The following TJP2 variants were observed in gnomAD, a reference collection of about 807,000 sequenced individuals.
TJP2 encodes the protein tight junction protein 2.
In TJP2, 91 loss-of-function variants were observed where a neutral mutation model predicts 133.1. That is an observed-to-expected ratio of 0.68 (90% CI 0.58 to 0.81). The LOEUF (loss-of-function observed/expected upper bound fraction) is 0.81, where lower values mean the gene tolerates loss of function less well. Among genes scored for constraint, TJP2 ranks in the 40% least tolerant of loss-of-function variants. TJP2 has a pLI of 0.00. For missense variants in TJP2, 1,541 were observed against 1,565.6 expected (o/e 0.98, Z 0.26); for synonymous variants, 592 against 583.4 (o/e 1.01, Z -0.21).
chr9:69,221,862 A>AC (rs1156525755), intron 5 of TJP2, among the ~76,000 whole-genome samples: 1 of 93,996 alleles, frequency 1.1e-5, no homozygotes, highest in Admixed American at 1.1e-4. Context: ...AGGAATAGCT[A>AC]CTTTTTTTTT....
intron 1 of TJP2, among the ~76,000 whole-genome samples, chr9:69,192,635 A>G (rs1437135006): frequency 2.6e-5 from 4 of 152,102 alleles, no homozygotes; most frequent in Non-Finnish European, 5.9e-5. Flanking sequence ...TTCCTTCAAT[A>G]TGTTCTTATT....
At chr9:69,248,755 G>T (rs1831112632) in intron 19 of TJP2, 2 of 995,576 alleles carry the variant, frequency 2.0e-6, no homozygotes, top group African/African-American at 3.5e-5. Flanking sequence ...CATCCACTGT[G>T]ATTAGATAGC....
At chr9:69,133,546 CTT>C (rs10577570) in intron 1 of TJP2, among the ~76,000 whole-genome samples, 6 of 104,784 alleles carry the variant, frequency 5.7e-5, no homozygotes, top group African/African-American at 1.6e-4. Context: ...ATTTTTCTGG[CTT>C]TTTTTTTTTT....
upstream of TJP2, among the ~76,000 whole-genome samples, chr9:69,173,803 G>C (rs376910837): frequency 1.3e-5 from 2 of 152,154 alleles, no homozygotes; most frequent in Non-Finnish European, 2.9e-5. Flanking sequence ...ATGCCCCCGC[G>C]ACCTCACCGG....
chr9:69,133,100 T>C (rs1336263396), intron 1 of TJP2, among the ~76,000 whole-genome samples: 2 of 152,174 alleles, frequency 1.3e-5, no homozygotes, highest in Non-Finnish European at 2.9e-5. Flanking sequence ...CAGCTGGGAC[T>C]ACAGGCATGT....
intron 17 of TJP2, among the ~76,000 whole-genome samples, chr9:69,244,748 T>C (rs1184220942): frequency 1.6e-4 from 25 of 152,224 alleles, no homozygotes; most frequent in Non-Finnish European, 3.7e-4. Context: ...GTGCATGAGT[T>C]GGATGTTACT....
At position 69,184,979 on chromosome 9, in the gene TJP2, G is replaced by C. The variant is rs538305836; in HGVS notation, c.60+10547G>C. ...TGCCCAGGTGGGCCTTGAACTCCTG[G>C]GCTCAGGCGATCCTCCTACCTCGGC... On this transcript the variant is annotated intron_variant, in intron 1 of 22. Transcript: ENST00000377245. 3.3e-5 allele frequency among the ~76,000 whole-genome samples: 5 copies of C among 152,078 alleles called. No individual in the cohort carries two copies. In the East Asian group the frequency reaches 9.7e-4, roughly 29 times the overall value.
chr9:69,225,115 A>G (rs978264187), intron 5 of TJP2, among the ~76,000 whole-genome samples, 189 bp from the exon 6 acceptor site: 1 of 152,136 alleles, frequency 6.6e-6, no homozygotes, highest in Non-Finnish European at 1.5e-5. Context: ...TTAATCTGGA[A>G]CAGTTTCTCT....
intron 1 of TJP2, among the ~76,000 whole-genome samples, chr9:69,149,297 G>A (rs968054927): frequency 4.6e-5 from 7 of 152,204 alleles, no homozygotes; most frequent in African/African-American, 1.4e-4. Context: ...GCTGATACCT[G>A]TAGAAAAGTT....
intron 1 of TJP2, among the ~76,000 whole-genome samples, chr9:69,202,529 T>G (rs1213473961): frequency 6.6e-6 from 1 of 152,342 alleles, no homozygotes; most frequent in East Asian, 1.9e-4. Flanking sequence ...AGCTTGCTGT[T>G]TACCAGAAAA....
At chr9:69,225,707 A>G (rs577313998) in intron 6 of TJP2, among the ~76,000 whole-genome samples, 6 of 152,334 alleles carry the variant, frequency 3.9e-5, no homozygotes, top group African/African-American at 1.4e-4. Context: ...AAAGTTGGTG[A>G]TATATGAATG....
chr9:69,241,720 A>G (rs1830587155), intron 17 of TJP2, among the ~76,000 whole-genome samples: 2 of 152,200 alleles, frequency 1.3e-5, no homozygotes, highest in Admixed American at 1.3e-4. Context: ...AACAGTAAAG[A>G]GTGGTACAGC....
intron 1 of TJP2, among the ~76,000 whole-genome samples, chr9:69,195,678 A>G (rs771402240): frequency 1.3e-5 from 2 of 152,212 alleles, no homozygotes; most frequent in Non-Finnish European, 2.9e-5. Flanking sequence ...GATGTGTTTC[A>G]GGCCCCCCCT....
At chr9:69,223,446 T>C (rs945292419) in intron 5 of TJP2, among the ~76,000 whole-genome samples, 6 of 152,188 alleles carry the variant, frequency 3.9e-5, no homozygotes, top group Non-Finnish European at 7.3e-5. Context: ...TAGCTGGGAC[T>C]GTAGGCGCCC....
chr9:69,175,982 G>A (rs1825055499), intron 1 of TJP2, among the ~76,000 whole-genome samples: 1 of 152,168 alleles, frequency 6.6e-6, no homozygotes, highest in Admixed American at 6.5e-5. Context: ...GGGATACAAA[G>A]ATGAACAAGA....
chr9:69,221,358 G>A lies in TJP2; in HGVS notation c.814G>A (p.Gly272Arg). 3 of 1,584,726 alleles carry A rather than the reference G, an allele frequency of 1.9e-6. No individual in the cohort carries two copies. Among genetic ancestry groups the A allele is most frequent in the Non-Finnish European group, 2.6e-6 (3 of 1,166,134 alleles). The stretch of plus-strand genomic sequence containing the variant: ...GGCCTACAGCCCGGAGTACAGGCGC[G>A]GGGCCCGCCACGATGCCCGCTCTCG... ...ERAYSPEYRR[G>R]ARHDARSRGP... Residue 272 changes from glycine (G) to arginine (R), a missense_variant, in exon 5 of 23, where the codon GGG becomes AGG. Gly to Arg is a moderately radical substitution (Grantham distance 125, BLOSUM62 -2). Transcript: ENST00000377245.
At chr9:69,171,188 T>C (rs1193758219), upstream of TJP2, among the ~76,000 whole-genome samples, 2 of 152,194 alleles carry the variant, frequency 1.3e-5, no homozygotes, top group Admixed American at 6.5e-5. Context: ...AGAGTCAGCG[T>C]AGGCTCACTT....
At chr9:69,159,284 G>GT (rs1823937683) in intron 2 of TJP2, among the ~76,000 whole-genome samples, 1 of 152,060 alleles carries the variant, frequency 6.6e-6, no homozygotes, top group Non-Finnish European at 1.5e-5. Flanking sequence ...TTACGCCACT[G>GT]TACTCCAGTC....
rs547294346 is a variant in TJP2 at position 69,126,497 on chromosome 9, T to G, written c.-131+4772T>G. The stretch of plus-strand genomic sequence containing the variant: ...CAGTGTAAAAGAAAGGACCCAGGCT[T>G]TAGGTGTGGAAGAACTGACCTCTGC... On this transcript the variant is annotated intron_variant, in intron 1 of 5. Transcript: ENST00000423935. 4.5e-4 allele frequency among the ~76,000 whole-genome samples: 35 copies of G among 77,002 alleles called. 11 individuals carry two copies. Among genetic ancestry groups the G allele is most frequent in the African/African-American group, 1.4e-3 (35 of 25,238 alleles). The allele number at this position is 77,002 out of a possible 152,430, so 50.5% of individuals were successfully genotyped here.
Sources: allele counts gnomAD v4.1 joint callset (sites outside exome capture counted in the v4.1 genomes callset), GRCh38; gene constraint gnomAD v4.1.1; transcripts MANE v1.5; gene names NCBI Gene and HGNC (gene_info 2026-07-23, HGNC 2026-07-21).